Variants in KCNQ1 observed in about 807,000 individuals in gnomAD.
KCNQ1 encodes potassium voltage-gated channel subfamily KQT member 1.
KCNQ1 carries 49 observed loss-of-function variants against 72.4 expected under a neutral mutation model. That is an observed-to-expected ratio of 0.68 (90% CI 0.54 to 0.86). The LOEUF (loss-of-function observed/expected upper bound fraction) is 0.86, where lower values mean the gene tolerates loss of function less well. Ranked by LOEUF, KCNQ1 falls within the 40% of genes least tolerant of loss-of-function variation. KCNQ1 has a pLI of 0.00. For missense variants in KCNQ1, 790 were observed against 945.1 expected (o/e 0.84, Z 2.15); for synonymous variants, 450 against 412.6 (o/e 1.09, Z -1.10).
chr11:2,510,543 T>C (rs1368582820), intron 1 of KCNQ1, among the ~76,000 whole-genome samples: 1 of 152,116 alleles, frequency 6.6e-6, no homozygotes. Context: ...GGAGTAGAGG[T>C]TGCAGTGAGC....
In KCNQ1 at chr11:2,482,878, G is replaced by A. The variant is rs375360368; in HGVS notation, c.386+37394G>A. 3.9e-5 allele frequency among the ~76,000 whole-genome samples: 6 copies of A among 152,334 alleles called. No individual in the cohort carries two copies. Among genetic ancestry groups the A allele is most frequent in the African/African-American group, 1.2e-4 (5 of 41,576 alleles). ...GGGAAACCAGGAGTGAGTGGAGCAC[G>A]AGGGTCACCCTCCAGGAAGTGACCT... On this transcript the variant is annotated intron_variant, in intron 1 of 15. Coordinates refer to ENST00000155840, the MANE Select transcript of KCNQ1 (RefSeq NM_000218.3). This position sits in a 1 kb window ranked among gnomAD's most constrained non-coding sequence, Gnocchi z 5.7.
rs199473446 is a variant in KCNQ1, at chr11:2,445,295, C to T, written c.197C>T (p.Ser66Phe). 8 of 1,401,004 alleles carry T rather than the reference C, an allele frequency of 5.7e-6. No homozygotes were observed. In the African/African-American group the frequency reaches 7.4e-5, roughly 13 times the overall value. 86.8% of individuals were successfully genotyped at this position (1,401,004 alleles called of 1,614,324 possible). A position where few individuals can be genotyped will look rare whatever the true frequency, so the allele number is the denominator to read the frequency against. Residue 66 changes from serine to phenylalanine, a missense_variant, in exon 1 of 16, where the codon TCC becomes TTC. Physicochemically the swap from Ser to Phe is radical, Grantham distance 155. Transcript: ENST00000155840. ...PGAPGPAPPA[S>F]PAAPAAPPVA... Reference sequence around the variant, plus strand: ...GCCCCAGGTCCCGCGCCCCCTGCGTCCCCGGCCGCGCCCGCCGCGCCCCCA... The same window carrying T: ...GCCCCAGGTCCCGCGCCCCCTGCGTTCCCGGCCGCGCCCGCCGCGCCCCCA...
At chr11:2,696,758 ATAAAAGTCGTCGTCTT>A in intron 11 of KCNQ1, 1 of 398,620 alleles carries the variant, frequency 2.5e-6, no homozygotes, top group Non-Finnish European at 4.4e-6. Context: ...AATTTTTTCC[ATAAAAGTCGTCGTCTT>A]TGTTAATTCC....
rs1013249667 is a variant in KCNQ1, at chr11:2,745,204, G to T, written c.1515-23640G>T. On this transcript the variant is annotated intron_variant, in intron 11 of 15. Transcript: ENST00000155840. This position sits in a 1 kb window ranked among gnomAD's most constrained non-coding sequence, Gnocchi z 6.2. ...AAATTTCAACTGGAAGTTTGCTTGGGATTGCCTCGAATTTGCAGGTTAAAT... is the reference window on the plus strand; with the variant it reads ...AAATTTCAACTGGAAGTTTGCTTGGTATTGCCTCGAATTTGCAGGTTAAAT... 1.7e-4 allele frequency among the ~76,000 whole-genome samples: 26 copies of T among 152,082 alleles called. No individual in the cohort carries two copies. The highest frequency in any genetic ancestry group is 3.1e-4 in the Non-Finnish European group (21 of 68,022).
rs1009610285 is a variant in KCNQ1 at position 2,457,774 on chromosome 11, A to C, written c.386+12290A>C. ...ACCTGCACTTGTACCTCCTGAACCTATTAAAAAAGTTGAATAAAATGGAAA... is the reference window on the plus strand; with the variant it reads ...ACCTGCACTTGTACCTCCTGAACCTCTTAAAAAAGTTGAATAAAATGGAAA... On this transcript the variant is annotated intron_variant, in intron 1 of 15. Transcript: ENST00000155840. This position sits in a 1 kb window ranked among gnomAD's most constrained non-coding sequence, Gnocchi z 5.0. Among the ~76,000 whole-genome samples, 2 of 151,914 alleles carry C rather than the reference A, an allele frequency of 1.3e-5. No individual in the cohort carries two copies. The highest frequency in any genetic ancestry group is 1.9e-4 in the East Asian group (1 of 5,194).
At chr11:2,616,659 A>T in intron 10 of KCNQ1, 1 of 398,124 alleles carries the variant, frequency 2.5e-6, no homozygotes, top group Non-Finnish European at 4.4e-6. Flanking sequence ...ATTTTTAAAG[A>T]GTGTGTAGTT....
intron 11 of KCNQ1, among the ~76,000 whole-genome samples, chr11:2,743,515 C>T (rs577154115): frequency 2.6e-5 from 4 of 152,194 alleles, no homozygotes; most frequent in African/African-American, 9.6e-5. Context: ...CCCAGCTCCC[C>T]GGCATGCAGC....
intron 11 of KCNQ1, 108 bp downstream of exon 11, chr11:2,662,189 C>A: frequency 4.1e-6 from 6 of 1,468,010 alleles, no homozygotes; most frequent in Non-Finnish European, 4.7e-6. Context: ...GCTATCTACT[C>A]GCCTAGTGCC....
chr11:2,522,658 C>T (rs943365985), intron 1 of KCNQ1, among the ~76,000 whole-genome samples: 30 of 152,240 alleles, frequency 2.0e-4, no homozygotes, highest in African/African-American at 5.1e-4. Context: ...ATCAAAATAT[C>T]GGAAGAATCA....
At position 2,682,935 on chromosome 11, in the gene KCNQ1, G is replaced by A. The variant is rs1414740267; in HGVS notation, c.1514+20854G>A. 3 of 398,486 alleles carry A rather than the reference G, an allele frequency of 7.5e-6. No homozygotes were observed. The highest frequency in any genetic ancestry group is 1.3e-4 in the South Asian group (1 of 7,856). The allele number at this position is 398,486 out of a possible 1,614,324, so 24.7% of individuals were successfully genotyped here. On this transcript the variant is annotated intron_variant, in intron 11 of 15. Transcript: ENST00000155840. This position sits in a 1 kb window ranked among gnomAD's most constrained non-coding sequence, Gnocchi z 5.8. Reference sequence around the variant, plus strand: ...CACCTGGAGAGGTGCTCAGGTCTGTGTGGAAGAAAGGACAGGAGTCCTTCT... The same window carrying A: ...CACCTGGAGAGGTGCTCAGGTCTGTATGGAAGAAAGGACAGGAGTCCTTCT...
At chr11:2,622,889 C>G (rs1303457341) in intron 10 of KCNQ1, 2 of 398,494 alleles carry the variant, frequency 5.0e-6, no homozygotes, top group African/African-American at 4.1e-5. Context: ...ACATTATTAT[C>G]AAAGTCCCTA....
chr11:2,811,449 A>C (rs994645129), intron 15 of KCNQ1, among the ~76,000 whole-genome samples: 3 of 152,252 alleles, frequency 2.0e-5, no homozygotes, highest in African/African-American at 7.2e-5. Context: ...GCCTGCACGC[A>C]TGAGGCTGTG....
Position 2,602,568 on chromosome 11 carries a change from C to T in KCNQ1, c.1393+13714C>T, listed in dbSNP as rs1018324243. On this transcript the variant is annotated intron_variant, in intron 10 of 15. Transcript: ENST00000155840. This position sits in a 1 kb window ranked among gnomAD's most constrained non-coding sequence, Gnocchi z 4.8. ...GCAAGGTCTAAGTGATCTAGTTTCT[C>T]TGCATTCTTGCTGGCATTTGATGTT... is the stretch of plus-strand genomic sequence containing the variant. Among the ~76,000 whole-genome samples, 9 of 152,222 alleles carry T rather than the reference C, an allele frequency of 5.9e-5. No individual in the cohort carries two copies. The highest frequency in any genetic ancestry group is 2.2e-4 in the African/African-American group (9 of 41,460).
At chr11:2,804,251 A>G (rs1847331593) in intron 15 of KCNQ1, among the ~76,000 whole-genome samples, 4 of 152,124 alleles carry the variant, frequency 2.6e-5, no homozygotes, top group African/African-American at 9.7e-5. Flanking sequence ...GAGCCCTGCA[A>G]ATGCCTCGGC....
chr11:2,639,356 G>A (rs1295819911), intron 10 of KCNQ1: 1 of 152,090 alleles, frequency 6.6e-6, no homozygotes, highest in Admixed American at 6.5e-5. Flanking sequence ...TCTACCTTTG[G>A]TCTTTGATGA....
intron 1 of KCNQ1, among the ~76,000 whole-genome samples, chr11:2,522,395 G>C (rs549586756): frequency 2.0e-5 from 3 of 152,270 alleles, no homozygotes; most frequent in Non-Finnish European, 4.4e-5. Flanking sequence ...TCTGCAGAGT[G>C]GGGGGCTGTG....
At chr11:2,731,439 C>G (rs972609055) in intron 11 of KCNQ1, among the ~76,000 whole-genome samples, 9 of 152,242 alleles carry the variant, frequency 5.9e-5, no homozygotes, top group Admixed American at 6.5e-5. Flanking sequence ...GGAGCCAGCA[C>G]TGCAGGCCGC....
Position 2,654,298 on chromosome 11 carries a change from G to A in KCNQ1, c.1394-7663G>A, listed in dbSNP as rs748868207. The A allele has an allele frequency of 1.3e-5, 5 of 398,708 alleles. No individual in the cohort carries two copies. The highest frequency in any genetic ancestry group is 2.2e-5 in the Non-Finnish European group (5 of 226,310). The allele number at this position is 398,708 out of a possible 1,614,324, so 24.7% of individuals were successfully genotyped here. ...GGCTTTGGTGAATCCACTGAGAGGG[G>A]GAGATTTCTTGAGGGGGCCAGGGAG... On this transcript the variant is annotated intron_variant, in intron 10 of 15. Coordinates refer to ENST00000155840, the MANE Select transcript of KCNQ1 (RefSeq NM_000218.3). The surrounding 1 kb of genome is among the most constrained non-coding windows in gnomAD (Gnocchi z 6.4).
At position 2,627,030 on chromosome 11, in the gene KCNQ1, A is replaced by G. The variant is rs1477667558; in HGVS notation, c.1394-34931A>G. 2.5e-6 allele frequency: 1 copy of G among 398,484 alleles called. No homozygotes were observed. The highest frequency in any genetic ancestry group is 4.4e-6 in the Non-Finnish European group (1 of 226,072). 24.7% of individuals were successfully genotyped at this position (398,484 alleles called of 1,614,324 possible). Reference sequence around the variant, plus strand: ...TTTTGTGTGGTACTGACACCTTAACAATATTGGCCTTCCAATCCATGAACA... The same window carrying G: ...TTTTGTGTGGTACTGACACCTTAACGATATTGGCCTTCCAATCCATGAACA... On this transcript the variant is annotated intron_variant, in intron 10 of 15. Transcript: ENST00000155840. This position sits in a 1 kb window ranked among gnomAD's most constrained non-coding sequence, Gnocchi z 4.9.
Sources: gnomAD v4.1 joint callset for allele counts (sites outside exome capture counted in the v4.1 genomes callset) on GRCh38, gnomAD v4.1.1 for gene constraint, Gnocchi (gnomAD v3.1) non-coding constraint, MANE v1.5 for transcripts, NCBI Gene and HGNC (gene_info 2026-07-23, HGNC 2026-07-21) for gene names.